LRBA: variants seen among roughly 807,000 people sequenced by gnomAD.
The protein encoded by LRBA is LPS responsive beige-like anchor protein.
Under a neutral mutation model 330.0 loss-of-function variants are expected in LRBA, and 176 were observed. That is an observed-to-expected ratio of 0.53 (90% CI 0.47 to 0.60). The LOEUF (loss-of-function observed/expected upper bound fraction) is 0.60, where lower values mean the gene tolerates loss of function less well. LRBA is among the 20% of genes least tolerant of loss of function. LRBA has a pLI of 0.00. For missense variants in LRBA, 3,259 were observed against 3,444.8 expected (o/e 0.95, Z 1.35); for synonymous variants, 1,230 against 1,193.0 (o/e 1.03, Z -0.64).
At chr4:150,404,832 G>A (rs1366111082) in intron 47 of LRBA, among the ~76,000 whole-genome samples, 2 of 152,144 alleles carry the variant, frequency 1.3e-5, no homozygotes, top group African/African-American at 4.8e-5. Flanking sequence ...TTCTACCATG[G>A]ATGTAGCATA....
chr4:150,541,120 T>C (rs1243961904), intron 40 of LRBA, among the ~76,000 whole-genome samples: 1 of 152,172 alleles, frequency 6.6e-6, no homozygotes, highest in Non-Finnish European at 1.5e-5. Context: ...ATTTAGTCAG[T>C]TCAATGGCTC....
At chr4:150,317,609 AC>A (rs1191756205) in intron 50 of LRBA, among the ~76,000 whole-genome samples, 1 of 152,128 alleles carries the variant, frequency 6.6e-6, no homozygotes, top group Admixed American at 6.6e-5. Context: ...CCTCTGGTCT[AC>A]CCAATAGTGC....
intron 17 of LRBA, among the ~76,000 whole-genome samples, chr4:150,891,135 T>G (rs1195041686): frequency 1.3e-5 from 2 of 152,212 alleles, no homozygotes; most frequent in South Asian, 4.1e-4. Flanking sequence ...CAAGTATTTA[T>G]AAGCCTCGTT....
intron 44 of LRBA, among the ~76,000 whole-genome samples, chr4:150,465,542 T>C (rs1755337682): frequency 6.6e-6 from 1 of 152,182 alleles, no homozygotes; most frequent in South Asian, 2.1e-4. Flanking sequence ...TTTGTTTTCA[T>C]TAACAATCTT....
At chr4:150,834,683 T>A (rs1314943419) in intron 28 of LRBA, among the ~76,000 whole-genome samples, 3 of 152,196 alleles carry the variant, frequency 2.0e-5, no homozygotes. Context: ...GAATGATAAT[T>A]GTGCATTGGC....
chr4:150,714,924 G>C (rs1423649364), intron 36 of LRBA, among the ~76,000 whole-genome samples: 1 of 152,026 alleles, frequency 6.6e-6, no homozygotes, highest in African/African-American at 2.4e-5. Context: ...TTTGTTTCAG[G>C]AAATCCTACC....
In LRBA at chr4:150,467,692, T is replaced by C; in HGVS notation, c.6761A>G (p.Asn2254Ser). 3 of 1,595,580 alleles carry C rather than the reference T, an allele frequency of 1.9e-6. No homozygotes were observed. Among genetic ancestry groups the C allele is most frequent in the Non-Finnish European group, 1.7e-6 (2 of 1,165,284 alleles). The change falls in exon 44 of 57, where the codon AAC becomes AGC. Residue 2254 changes from asparagine (N) to serine (S), a missense_variant. Physicochemically the swap from Asn to Ser is conservative, Grantham distance 46 (BLOSUM62 1). Transcript: ENST00000651943. ...AATTACCTTGGACAAATCTCTGAAG[T>C]TGGTGGGCAAGGTAAGATCCAGTTC... ...SEELDLTLPT[N>S]FRDLSKPIGA...
At chr4:150,645,438 TAAA>T (rs1779034179) in intron 37 of LRBA, among the ~76,000 whole-genome samples, 1 of 151,930 alleles carries the variant, frequency 6.6e-6, no homozygotes, top group Non-Finnish European at 1.5e-5. Context: ...TATTAAAAGT[TAAA>T]AAGAAGTGAG....
chr4:150,822,702 T>G (rs1463639490), intron 30 of LRBA, among the ~76,000 whole-genome samples: 4 of 152,144 alleles, frequency 2.6e-5, no homozygotes, highest in Non-Finnish European at 5.9e-5. Context: ...TGCAGTGAGC[T>G]ATGACTGCCA....
rs373474421 is a variant in LRBA at position 150,697,325 on chromosome 4, G to GAAAGAAAA, written c.5755-13609_5755-13608insTTTTCTTT. Among the ~76,000 whole-genome samples the GAAAGAAAA allele has an allele frequency of 3.3e-3, 92 of 28,054 alleles. 13 individuals are homozygous for GAAAGAAAA. Among genetic ancestry groups the GAAAGAAAA allele is most frequent in the African/African-American group, 0.011 (82 of 7,602 alleles). 18.4% of individuals were successfully genotyped at this position (28,054 alleles called of 152,430 possible). Reference sequence around the variant, plus strand: ...GGTGACAGAGTGAGACTTTGTCTCAGAAAAAAAAAAAAAAAAAAAAAAAAA... The same window carrying GAAAGAAAA: ...GGTGACAGAGTGAGACTTTGTCTCAGAAAGAAAAAAAAAAAAAAAAAAAAAAAAAAAAA... On this transcript the variant is annotated intron_variant, in intron 36 of 56. Coordinates refer to ENST00000651943, the MANE Select transcript of LRBA (RefSeq NM_001364905.1).
intron 34 of LRBA, among the ~76,000 whole-genome samples, chr4:150,781,181 G>A (rs1738172802): frequency 6.6e-6 from 1 of 152,122 alleles, no homozygotes; most frequent in Admixed American, 6.6e-5. Context: ...GCCCGGCCGT[G>A]CATTTTATTT....
chr4:150,275,138 T>A (rs1746594077), intron 56 of LRBA, among the ~76,000 whole-genome samples: 1 of 152,158 alleles, frequency 6.6e-6, no homozygotes, highest in Non-Finnish European at 1.5e-5. Flanking sequence ...CACAAATCAA[T>A]AAAAGTAATC....
chr4:150,978,039 T>C (rs1183585322), intron 2 of LRBA, among the ~76,000 whole-genome samples: 1 of 152,116 alleles, frequency 6.6e-6, no homozygotes, highest in Non-Finnish European at 1.5e-5. Flanking sequence ...CTTGAGTGAA[T>C]ATAGAGAGTA....
intron 2 of LRBA, among the ~76,000 whole-genome samples, chr4:150,932,354 C>A: frequency 1.4e-5 from 2 of 141,032 alleles, no homozygotes; most frequent in Middle Eastern, 3.7e-3. Context: ...CTTGTGGGAA[C>A]TAGGGTGTTA....
At chr4:150,399,801 G>A (rs6819189) in intron 47 of LRBA, among the ~76,000 whole-genome samples, 69,498 of 151,904 alleles carry the variant, frequency 0.46, 16,014 homozygotes, top group Middle Eastern at 0.51. Flanking sequence ...GTGAAACCCC[G>A]TCTCTACTAA....
chr4:150,649,994 T>C (rs551826636), intron 37 of LRBA, among the ~76,000 whole-genome samples: 1 of 152,316 alleles, frequency 6.6e-6, no homozygotes, highest in Non-Finnish European at 1.5e-5. Flanking sequence ...TATTAACAGT[T>C]ACTACTTAAC....
chr4:150,901,488 T>A (rs903639623), intron 13 of LRBA, among the ~76,000 whole-genome samples: 1 of 152,202 alleles, frequency 6.6e-6, no homozygotes, highest in African/African-American at 2.4e-5. Context: ...CCCTTGACCA[T>A]AGACCAAACT....
At chr4:150,874,465 GA>G (rs1186430648) in intron 17 of LRBA, among the ~76,000 whole-genome samples, 1 of 152,184 alleles carries the variant, frequency 6.6e-6, no homozygotes, top group Non-Finnish European at 1.5e-5. Context: ...CCAGAATTGT[GA>G]AAACTGCCTC....
chr4:150,338,816 C>T (rs1735080201), intron 48 of LRBA, among the ~76,000 whole-genome samples: 1 of 152,118 alleles, frequency 6.6e-6, no homozygotes, highest in South Asian at 2.1e-4. Flanking sequence ...TAGACATTAA[C>T]ATGTGACTCT....
Sources: allele counts gnomAD v4.1 joint callset (sites outside exome capture counted in the v4.1 genomes callset), GRCh38; gene constraint gnomAD v4.1.1; transcripts MANE v1.5; gene names NCBI Gene and HGNC (gene_info 2026-07-23, HGNC 2026-07-21).